TENM3: variants seen among roughly 807,000 people sequenced by gnomAD.
TENM3 encodes the protein teneurin-3.
TENM3 carries 63 observed loss-of-function variants against 255.1 expected under a neutral mutation model. The ratio of observed to expected loss-of-function variants is 0.25; its 90% CI spans 0.20 to 0.30. TENM3 has a LOEUF of 0.30. TENM3 is among the 10% of genes least tolerant of loss of function. The pLI is 1.00. For synonymous variants in TENM3, 1,306 were observed against 1,322.3 expected, an observed-to-expected ratio of 0.99 and a Z score of 0.27; for missense variants, 2,929 against 3,461.1, an observed-to-expected ratio of 0.85 and a Z score of 3.86.
chr4:181,464,316 A>G, the TENM3 span, among the ~76,000 whole-genome samples: 1 of 152,074 alleles, frequency 6.6e-6, no homozygotes, highest in African/African-American at 2.4e-5. Context: ...AACAATTGTC[A>G]TTGTCTGTCC....
intron 3 of TENM3, among the ~76,000 whole-genome samples, chr4:182,507,530 G>A (rs1209047428): frequency 6.6e-6 from 1 of 152,126 alleles, no homozygotes; most frequent in African/African-American, 2.4e-5. Context: ...AAATCAGTGT[G>A]AAAGCATTGG....
the TENM3 span, among the ~76,000 whole-genome samples, chr4:181,720,010 G>A: frequency 1.1e-4 from 17 of 152,276 alleles, no homozygotes; most frequent in Non-Finnish European, 2.2e-4. Context: ...ATTCTCAAAA[G>A]ACTTCAATAC....
At chr4:182,162,806 C>T (rs1579562103) in intron 1 of TENM3, among the ~76,000 whole-genome samples, 1 of 152,296 alleles carries the variant, frequency 6.6e-6, no homozygotes, top group African/African-American at 2.4e-5. Context: ...GCTAGTCCCT[C>T]CTGCTCTTTT....
At chr4:181,652,781 A>T in the TENM3 span, among the ~76,000 whole-genome samples, 1 of 152,140 alleles carries the variant, frequency 6.6e-6, no homozygotes, top group East Asian at 1.9e-4. Flanking sequence ...TCAAAAGTGA[A>T]CTCATTCCTT....
intron 6 of TENM3, among the ~76,000 whole-genome samples, chr4:182,666,793 G>A (rs991530239): frequency 2.6e-5 from 4 of 151,976 alleles, no homozygotes; most frequent in Non-Finnish European, 5.9e-5. Flanking sequence ...CAGGCACTTG[G>A]GAAGCTGAGG....
At chr4:181,836,026 A>G in the TENM3 span, among the ~76,000 whole-genome samples, 1 of 152,114 alleles carries the variant, frequency 6.6e-6, no homozygotes, top group Admixed American at 6.5e-5. Context: ...TGAGTGGTGG[A>G]CATCTCTGCT....
At chr4:181,605,518 GAA>G in the TENM3 span, among the ~76,000 whole-genome samples, 18 of 18,254 alleles carry the variant, frequency 9.9e-4, 1 homozygote, top group African/African-American at 1.8e-3. Flanking sequence ...AAGAAAGAAA[GAA>G]AGAAAGAAAG....
Position 182,495,905 on chromosome 4 carries a change from C to T in TENM3, c.512-105019C>T, listed in dbSNP as rs1022426793. Among the ~76,000 whole-genome samples the T allele has an allele frequency of 5.3e-5, 8 of 152,224 alleles. No homozygotes were observed. In the South Asian group the frequency reaches 6.2e-4, roughly 12 times the overall value. On this transcript the variant is annotated intron_variant, in intron 3 of 27. Transcript: ENST00000511685. ...TAAACTCAGGGGTTAGCTGCTTAAA[C>T]GTCTAAATGAGAAAAGTTCATCCTT...
At chr4:181,749,210 G>T in the TENM3 span, among the ~76,000 whole-genome samples, 1 of 151,978 alleles carries the variant, frequency 6.6e-6, no homozygotes, top group Non-Finnish European at 1.5e-5. Flanking sequence ...TTTAAAAGAG[G>T]TCCTTTTTGG....
At chr4:181,562,928 G>A in the TENM3 span, among the ~76,000 whole-genome samples, 1 of 152,164 alleles carries the variant, frequency 6.6e-6, no homozygotes, top group Non-Finnish European at 1.5e-5. Flanking sequence ...GCCCGCCTGG[G>A]CCTCCCAAAG....
chr4:181,808,984 G>T, the TENM3 span, among the ~76,000 whole-genome samples: 1 of 152,106 alleles, frequency 6.6e-6, no homozygotes, highest in East Asian at 1.9e-4. Flanking sequence ...TGCAAGCGGG[G>T]GTACAAAAGC....
intron 1 of TENM3, among the ~76,000 whole-genome samples, chr4:182,199,577 A>G (rs1173124550): frequency 3.9e-5 from 6 of 152,110 alleles, no homozygotes; most frequent in Non-Finnish European, 8.8e-5. Flanking sequence ...GTGTTTTTGT[A>G]TCTCTGCTTG....
chr4:182,113,656 G>C, the TENM3 span, among the ~76,000 whole-genome samples: 1 of 152,106 alleles, frequency 6.6e-6, no homozygotes, highest in Non-Finnish European at 1.5e-5. Context: ...CACCAAATAA[G>C]TATTACAAAT....
chr4:182,215,644 G>A (rs146286451), intron 1 of TENM3, among the ~76,000 whole-genome samples: 8 of 152,240 alleles, frequency 5.3e-5, no homozygotes, highest in Middle Eastern at 3.4e-3. Flanking sequence ...AGAAATCTAT[G>A]GATTCTATAA....
At chr4:181,866,521 A>G in the TENM3 span, among the ~76,000 whole-genome samples, 1 of 152,144 alleles carries the variant, frequency 6.6e-6, no homozygotes, top group Non-Finnish European at 1.5e-5. Flanking sequence ...TATTTTTGTC[A>G]TTTATTCTAA....
chr4:182,392,342 T>C (rs1768489366), intron 3 of TENM3, among the ~76,000 whole-genome samples: 1 of 152,204 alleles, frequency 6.6e-6, no homozygotes, highest in Non-Finnish European at 1.5e-5. Context: ...CAAATGTTGA[T>C]TTACTCACCA....
chr4:182,303,367 A>G (rs1280413633), intron 1 of TENM3, among the ~76,000 whole-genome samples: 1 of 152,156 alleles, frequency 6.6e-6, no homozygotes, highest in African/African-American at 2.4e-5. Flanking sequence ...GCACTTGCAG[A>G]TTCAGAATTT....
intron 3 of TENM3, among the ~76,000 whole-genome samples, chr4:182,596,952 TG>T (rs2152402188): frequency 6.6e-6 from 1 of 152,312 alleles, no homozygotes; most frequent in Admixed American, 6.5e-5. Context: ...AAGGCTGCAG[TG>T]GCTGTTCTGG....
At chr4:182,009,593 C>T in the TENM3 span, among the ~76,000 whole-genome samples, 45 of 152,274 alleles carry the variant, frequency 3.0e-4, no homozygotes, top group African/African-American at 9.6e-4. Flanking sequence ...AGGGGAAAAG[C>T]GCAGCCTGGA....
Sources: allele counts gnomAD v4.1 joint callset (sites outside exome capture counted in the v4.1 genomes callset), GRCh38; gene constraint gnomAD v4.1.1; transcripts MANE v1.5; gene names NCBI Gene and HGNC (gene_info 2026-07-23, HGNC 2026-07-21).